ENKUR: variants seen among roughly 807,000 people sequenced by gnomAD.
ENKUR encodes the protein enkurin.
ENKUR carries 19 observed loss-of-function variants against 27.6 expected under a neutral mutation model. The ratio of observed to expected loss-of-function variants is 0.69; its 90% CI spans 0.48 to 1.01. The LOEUF is 1.01. ENKUR is among the 50% of genes least tolerant of loss of function. The pLI is 0.00. For missense variants in ENKUR, 312 were observed against 310.5 expected, an observed-to-expected ratio of 1.00 and a Z score of -0.04; for synonymous variants, 117 against 96.9, an observed-to-expected ratio of 1.21 and a Z score of -1.22.
chr10:25,051,342 A>G (rs1210830361), intron 2 of ENKUR, among the ~76,000 whole-genome samples: 3 of 152,192 alleles, frequency 2.0e-5, no homozygotes, highest in Non-Finnish European at 4.4e-5. Context: ...TTGGGTCCCT[A>G]TTAGGCTGTT....
intron 2 of ENKUR, among the ~76,000 whole-genome samples, chr10:25,047,653 G>A (rs1851135503): frequency 6.6e-6 from 1 of 152,130 alleles, no homozygotes; most frequent in Admixed American, 6.6e-5. Context: ...AGAACATTCT[G>A]GTTATAAAAA....
At chr10:24,996,716 C>CT (rs1165150949) in intron 2 of ENKUR, among the ~76,000 whole-genome samples, 4 of 152,046 alleles carry the variant, frequency 2.6e-5, no homozygotes, top group African/African-American at 9.7e-5. Context: ...ATCATTTGAC[C>CT]TTTTTTATTA....
chr10:24,991,380 T>C (rs1588649163), intron 3 of ENKUR, among the ~76,000 whole-genome samples: 1 of 152,214 alleles, frequency 6.6e-6, no homozygotes, highest in East Asian at 1.9e-4. Context: ...TGAAAACTTA[T>C]GCCTCCATCC....
chr10:25,034,273 C>T (rs1030373588), intron 2 of ENKUR, among the ~76,000 whole-genome samples: 9 of 152,096 alleles, frequency 5.9e-5, no homozygotes, highest in African/African-American at 1.9e-4. Context: ...CACTATGTGG[C>T]AAACACATGG....
upstream of ENKUR, among the ~76,000 whole-genome samples, chr10:25,016,442 G>A (rs2291583): frequency 0.28 from 42,372 of 152,108 alleles, 6,424 homozygotes; most frequent in East Asian, 0.5. Context: ...TTTGTGAGCA[G>A]GCCCCAATCG....
chr10:25,029,086 G>C (rs796817362), intron 2 of ENKUR, among the ~76,000 whole-genome samples: 82 of 152,142 alleles, frequency 5.4e-4, no homozygotes, highest in African/African-American at 1.9e-3. Context: ...CTGGACATTT[G>C]TCTAATTTTT....
upstream of ENKUR, chr10:25,016,236 C>G: frequency 9.6e-7 from 1 of 1,041,686 alleles, no homozygotes; most frequent in Non-Finnish European, 1.2e-6. Flanking sequence ...CCTCTTCCCT[C>G]TTTCTGCAGC....
intron 4 of ENKUR, among the ~76,000 whole-genome samples, chr10:24,988,656 C>A (rs1849846860): frequency 8.0e-6 from 1 of 124,438 alleles, no homozygotes; most frequent in Non-Finnish European, 1.7e-5. Context: ...TAGAGTGACA[C>A]AGCATATGTA....
chr10:25,035,406 T>C (rs1850995748), intron 2 of ENKUR, among the ~76,000 whole-genome samples: 1 of 152,040 alleles, frequency 6.6e-6, no homozygotes, highest in Non-Finnish European at 1.5e-5. Context: ...ACTACAAAAA[T>C]TAGCTGGGCG....
At position 24,995,703 on chromosome 10, in the gene ENKUR, A is replaced by G; in HGVS notation, c.390T>C (p.Thr130=). The G allele has an allele frequency of 1.2e-6, 2 of 1,614,062 alleles. No homozygotes were observed. Among genetic ancestry groups the G allele is most frequent in the Non-Finnish European group, 1.7e-6 (2 of 1,179,994 alleles). Residue 130 remains threonine (T), a synonymous_variant, in exon 3 of 6, where the codon ACT becomes ACC. Coordinates refer to ENST00000331161, the MANE Select transcript of ENKUR (RefSeq NM_145010.4). The part of the protein sequence containing the change: ...KPKPIYVDKR[T]GDKHDLEPSG... ...AAGGCTCAAGATCATGCTTGTCTCC[A>G]GTTCTTTTATCAACATAAATTGGTT... is the stretch of plus-strand genomic sequence containing the variant.
intron 2 of ENKUR, chr10:25,024,737 G>C (rs770789518): frequency 6.2e-7 from 1 of 1,614,138 alleles, no homozygotes; most frequent in East Asian, 2.2e-5. Context: ...GTCGATGTCT[G>C]TATTCCCACA....
intron 2 of ENKUR, among the ~76,000 whole-genome samples, chr10:25,045,262 A>T (rs1851109829): frequency 6.6e-6 from 1 of 152,226 alleles, no homozygotes; most frequent in Admixed American, 6.5e-5. Context: ...AATGGGCAAG[A>T]TGAGACCAGA....
At chr10:25,046,515 T>G (rs921473839) in intron 2 of ENKUR, among the ~76,000 whole-genome samples, 1 of 152,192 alleles carries the variant, frequency 6.6e-6, no homozygotes, top group African/African-American at 2.4e-5. Context: ...AGATCACCTG[T>G]GTGCATCTGC....
At chr10:25,051,358 A>G (rs1851184616) in intron 2 of ENKUR, among the ~76,000 whole-genome samples, 1 of 152,188 alleles carries the variant, frequency 6.6e-6, no homozygotes, top group African/African-American at 2.4e-5. Flanking sequence ...CTGTTCTTGC[A>G]TTGTTATAAA....
chr10:25,001,518 T>C (rs1203374012), intron 1 of ENKUR, among the ~76,000 whole-genome samples: 1 of 152,164 alleles, frequency 6.6e-6, no homozygotes, highest in Non-Finnish European at 1.5e-5. Context: ...GACTGCTTGA[T>C]ATTGTTCAAG....
At chr10:25,016,183 A>C (rs941186628), upstream of ENKUR, 31 of 1,180,384 alleles carry the variant, frequency 2.6e-5, no homozygotes, top group Non-Finnish European at 3.2e-5. Context: ...AACCGTTACT[A>C]GGCAACGAGG....
chr10:25,023,889 A>G (rs1221885449), intron 2 of ENKUR: 2 of 1,614,198 alleles, frequency 1.2e-6, no homozygotes, highest in Admixed American at 1.7e-5. Context: ...CAATTAAAAG[A>G]TACCAAGATG....
chr10:25,030,937 G>A (rs1850926299), intron 2 of ENKUR, among the ~76,000 whole-genome samples: 1 of 152,058 alleles, frequency 6.6e-6, no homozygotes, highest in Non-Finnish European at 1.5e-5. Flanking sequence ...GACCAACATG[G>A]TGAAACCCCG....
chr10:25,043,871 C>T lies in ENKUR; in HGVS notation c.37+17241G>A, dbSNP rs762468303. 5.4e-5 allele frequency among the ~76,000 whole-genome samples: 8 copies of T among 148,538 alleles called. No individual in the cohort carries two copies. In the South Asian group the frequency reaches 6.4e-4, roughly 12 times the overall value. Reference sequence around the variant, plus strand: ...TTCTGTTGTTATTAATCACATCTGACGAAATTTTAATTTCAGATATTCTTT... The same window carrying T: ...TTCTGTTGTTATTAATCACATCTGATGAAATTTTAATTTCAGATATTCTTT... On this transcript the variant is annotated intron_variant, in intron 2 of 5. Transcript: ENST00000615958.
Sources: gnomAD v4.1 joint callset for allele counts (sites outside exome capture counted in the v4.1 genomes callset) on GRCh38, gnomAD v4.1.1 for gene constraint, MANE v1.5 for transcripts, NCBI Gene and HGNC (gene_info 2026-07-23, HGNC 2026-07-21) for gene names.